Variants in DCLRE1C observed in about 807,000 individuals in gnomAD.
DCLRE1C encodes protein artemis.
Under a neutral mutation model 61.4 loss-of-function variants are expected in DCLRE1C, and 47 were observed. That is an observed-to-expected ratio of 0.77 (90% confidence interval 0.61 to 0.98). The LOEUF (loss-of-function observed/expected upper bound fraction) is 0.98. Among genes scored for constraint, DCLRE1C ranks in the 50% least tolerant of loss-of-function variants. DCLRE1C has a pLI of 0.00. For synonymous variants in DCLRE1C, 337 were observed against 287.6 expected, an observed-to-expected ratio of 1.17 and a Z score of -1.74; for missense variants, 858 against 816.0, an observed-to-expected ratio of 1.05 and a Z score of -0.63.
chr10:14,954,066 G>T lies in DCLRE1C; in HGVS notation c.-56C>A. On this transcript the variant is annotated 5_prime_UTR_variant, in exon 1 of 14. In the 5' UTR this introduces an upstream ATG that the reference lacks. Transcript: ENST00000378278. ...AAAACCGCAGCTGAAGCCAAGGCCAGCCCTGACCGCGCCGCCACTTCCGGG... is the reference window on the plus strand; with the variant it reads ...AAAACCGCAGCTGAAGCCAAGGCCATCCCTGACCGCGCCGCCACTTCCGGG... 6.2e-7 allele frequency: 1 copy of T among 1,607,692 alleles called. No homozygotes were observed.
At chr10:14,931,583 A>AAAAG (rs143888576) in intron 9 of DCLRE1C, among the ~76,000 whole-genome samples, 5,113 of 152,164 alleles carry the variant, frequency 0.034, 271 homozygotes, top group African/African-American at 0.11. Context: ...AACAAAAAAC[A>AAAAG]AAAGAAGACA....
chr10:14,943,158 T>G (rs1841149849), intron 3 of DCLRE1C, among the ~76,000 whole-genome samples: 1 of 152,166 alleles, frequency 6.6e-6, no homozygotes, highest in Admixed American at 6.5e-5. Context: ...AGACTCTTTG[T>G]GACACTGGGA....
At chr10:14,940,210 G>C (rs752173627) in intron 3 of DCLRE1C, among the ~76,000 whole-genome samples, 2 of 151,746 alleles carry the variant, frequency 1.3e-5, no homozygotes, top group Non-Finnish European at 2.9e-5. Context: ...GTAAAAACGT[G>C]GTCCTGTGTC....
exon 14 of DCLRE1C, chr10:14,897,694 CTT>C (rs1833682394): frequency 6.4e-6 from 3 of 468,364 alleles, no homozygotes; most frequent in South Asian, 1.0e-4. Context: ...AAATAAAAAA[CTT>C]TTATATGAAT....
At chr10:14,938,954 G>C (rs566574012) in intron 4 of DCLRE1C, among the ~76,000 whole-genome samples, 1 of 152,256 alleles carries the variant, frequency 6.6e-6, no homozygotes, top group African/African-American at 2.4e-5. Flanking sequence ...AAATGTTCGT[G>C]TCCCTCCCCA....
At chr10:14,944,589 G>C (rs1039385121) in intron 3 of DCLRE1C, among the ~76,000 whole-genome samples, 7 of 151,724 alleles carry the variant, frequency 4.6e-5, no homozygotes, top group African/African-American at 1.7e-4. Flanking sequence ...TCTCACTCTT[G>C]AGGAAGAAGG....
chr10:14,952,734 A>T (rs772748180), intron 1 of DCLRE1C, among the ~76,000 whole-genome samples: 9 of 152,138 alleles, frequency 5.9e-5, no homozygotes, highest in Non-Finnish European at 1.0e-4. Flanking sequence ...GAAGAAGGAG[A>T]TGCTCAAAGA....
chr10:14,952,106 A>G (rs559245668), intron 1 of DCLRE1C, among the ~76,000 whole-genome samples: 9 of 152,332 alleles, frequency 5.9e-5, no homozygotes, highest in African/African-American at 1.9e-4. Flanking sequence ...CAAACTTATG[A>G]TGATTTCAAA....
At chr10:14,930,546 C>T (rs1838817681) in intron 9 of DCLRE1C, among the ~76,000 whole-genome samples, 1 of 151,974 alleles carries the variant, frequency 6.6e-6, no homozygotes, top group Admixed American at 6.6e-5. Context: ...GATTCTCATG[C>T]CTCAGCCTCC....
intron 12 of DCLRE1C, 23 bp downstream of exon 12, chr10:14,922,958 T>C: frequency 6.3e-7 from 1 of 1,579,726 alleles, no homozygotes; most frequent in Non-Finnish European, 8.7e-7. Flanking sequence ...GGACACCAAG[T>C]CCCACAACCA....
intron 1 of DCLRE1C, among the ~76,000 whole-genome samples, chr10:14,951,389 C>CAAAAAAAAAAAAAAAAAAAA (rs60272216): frequency 2.2e-5 from 1 of 46,036 alleles, no homozygotes; most frequent in Non-Finnish European, 4.2e-5. Context: ...AACCCTGTCT[C>CAAAAAAAAAAAAAAAAAAAA]AAAAAAAAAA....
chr10:14,905,121 T>C lies in DCLRE1C; in HGVS notation c.*3287A>G, dbSNP rs1028328242. On this transcript the variant is annotated 3_prime_UTR_variant, in exon 14 of 14. Transcript: ENST00000378278. ...AAAGGGGCAGAAAAATACTGATGTA[T>C]TGACTACGTGCTAGCAAGATTAACC... Among the ~76,000 whole-genome samples, 2 of 152,268 alleles carry C rather than the reference T, an allele frequency of 1.3e-5. No homozygotes were observed. Among genetic ancestry groups the C allele is most frequent in the East Asian group, 1.9e-4 (1 of 5,206 alleles).
At chr10:14,922,227 G>A (rs1837231811) in intron 12 of DCLRE1C, among the ~76,000 whole-genome samples, 1 of 152,162 alleles carries the variant, frequency 6.6e-6, no homozygotes, top group South Asian at 2.1e-4. Flanking sequence ...GATCACTTGA[G>A]CTCGGGAGTT....
At position 14,909,164 on chromosome 10, in the gene DCLRE1C, C is replaced by T. The variant is rs1289284662; in HGVS notation, c.1323G>A (p.Met441Ile). 1 of 1,614,078 alleles carries T rather than the reference C, an allele frequency of 6.2e-7. No individual in the cohort carries two copies. The highest frequency in any genetic ancestry group is 8.5e-7 in the Non-Finnish European group (1 of 1,180,044). Residue 441 changes from methionine to isoleucine, a missense_variant, in exon 14 of 14, where the codon ATG (methionine) becomes ATA (isoleucine). By Grantham distance (10) the Met-to-Ile change is conservative. Coordinates refer to ENST00000378278, the MANE Select transcript of DCLRE1C (RefSeq NM_001033855.3). Reference protein sequence around the residue: ...QTPGCCRAECMQSSRFTNFVD... With the variant: ...QTPGCCRAECIQSSRFTNFVD... ...CAAAGTTTGTGAAACGAGAGCTCTGCATACACTCTGCTCTGCAGCATCCTG... is the reference window on the plus strand; with the variant it reads ...CAAAGTTTGTGAAACGAGAGCTCTGTATACACTCTGCTCTGCAGCATCCTG...
intron 2 of DCLRE1C, among the ~76,000 whole-genome samples, chr10:14,946,942 T>G (rs1015533793): frequency 3.3e-5 from 5 of 152,152 alleles, no homozygotes; most frequent in African/African-American, 1.2e-4. Context: ...GAGATAGAGA[T>G]GCCGCACGCC....
chr10:14,944,355 C>T (rs577107857), intron 3 of DCLRE1C, among the ~76,000 whole-genome samples: 98 of 151,902 alleles, frequency 6.5e-4, no homozygotes, highest in Non-Finnish European at 1.1e-3. Flanking sequence ...AAATATTAGC[C>T]GGGTATGGTG....
At chr10:14,901,101 G>A (rs751516885), downstream of DCLRE1C, 104 of 1,611,042 alleles carry the variant, frequency 6.5e-5, no homozygotes, top group Non-Finnish European at 8.0e-5. Context: ...TACACCGTTT[G>A]TACTTAAATG....
chr10:14,898,264 G>A lies in DCLRE1C; in HGVS notation c.*900C>T, dbSNP rs11259382. On this transcript the variant is annotated 3_prime_UTR_variant, in exon 14 of 14. Coordinates refer to the DCLRE1C transcript ENST00000378289. ...GTACTGTTATGTCCATTATTGTAGAGAAATTGAGTACCTTGCCCAAGGTCA... is the reference window on the plus strand; with the variant it reads ...GTACTGTTATGTCCATTATTGTAGAAAAATTGAGTACCTTGCCCAAGGTCA... 7.6e-5 allele frequency: 9 copies of A among 117,662 alleles called. No individual in the cohort carries two copies. In the East Asian group the frequency reaches 2.4e-3, roughly 31 times the overall value. 7.3% of individuals were successfully genotyped at this position (117,662 alleles called of 1,614,324 possible). A position where few individuals can be genotyped will look rare whatever the true frequency, so the allele number is the denominator to read the frequency against.
downstream of DCLRE1C, among the ~76,000 whole-genome samples, chr10:14,901,694 G>A (rs1306634908): frequency 6.6e-6 from 1 of 152,040 alleles, no homozygotes; most frequent in African/African-American, 2.4e-5. Context: ...AGCCGGGCGT[G>A]GTGGCGTGTG....
Sources: gnomAD v4.1 joint callset for allele counts (sites outside exome capture counted in the v4.1 genomes callset) on GRCh38, gnomAD v4.1.1 for gene constraint, MANE v1.5 for transcripts, NCBI Gene and HGNC (gene_info 2026-07-23, HGNC 2026-07-21) for gene names.